Variants in MCTP1 observed in about 807,000 individuals in gnomAD.
The protein encoded by MCTP1 is multiple C2 and transmembrane domain-containing protein 1.
A neutral mutation model predicts 120.6 loss-of-function variants in MCTP1; 69 were observed. The ratio of observed to expected loss-of-function variants is 0.57; its 90% CI spans 0.47 to 0.70. The LOEUF (loss-of-function observed/expected upper bound fraction) is 0.70, where lower values mean the gene tolerates loss of function less well. Ranked by LOEUF, MCTP1 falls within the 30% of genes least tolerant of loss-of-function variation. MCTP1 has a pLI of 0.00. For missense variants in MCTP1, 1,203 were observed against 1,248.8 expected (o/e 0.96, Z 0.55); for synonymous variants, 529 against 493.1 (o/e 1.07, Z -0.96).
rs757186726 is a variant in MCTP1, at chr5:94,710,899, T to A, written c.2749A>T (p.Ser917Cys). 1 of 1,612,848 alleles carries A rather than the reference T, an allele frequency of 6.2e-7. No individual in the cohort carries two copies. Among genetic ancestry groups the A allele is most frequent in the South Asian group, 1.1e-5 (1 of 91,038 alleles). The stretch of plus-strand genomic sequence containing the variant: ...CAGAGGGCTACAATGGCCAGCCAGC[T>A]TAAGAATGGGACAGTCCAGTTGAAA... ...NTFNWTVPFL[S>C]WLAIVALCVF... Residue 917 changes from serine to cysteine, a missense_variant, in exon 21 of 23, where the codon AGC becomes TGC. Ser to Cys is a moderately radical substitution (Grantham distance 112, BLOSUM62 -1). Coordinates refer to ENST00000515393, the MANE Select transcript of MCTP1 (RefSeq NM_024717.7).
chr5:94,918,710 G>A (rs1810770308), intron 7 of MCTP1, among the ~76,000 whole-genome samples: 1 of 152,182 alleles, frequency 6.6e-6, no homozygotes, highest in African/African-American at 2.4e-5. Flanking sequence ...ATTAGAGTGA[G>A]TCATCAGCCT....
chr5:94,787,173 A>T (rs1777910983), intron 18 of MCTP1, among the ~76,000 whole-genome samples: 1 of 152,202 alleles, frequency 6.6e-6, no homozygotes, highest in African/African-American at 2.4e-5. Context: ...TGCACGGTGC[A>T]CAGTGGAGAT....
At chr5:94,721,730 G>A (rs1760932243) in intron 19 of MCTP1, among the ~76,000 whole-genome samples, 1 of 151,812 alleles carries the variant, frequency 6.6e-6, no homozygotes, top group South Asian at 2.1e-4. Context: ...TTATTGTAGA[G>A]AATAAATTGG....
chr5:95,020,290 A>C (rs1837953279), intron 1 of MCTP1, among the ~76,000 whole-genome samples: 1 of 152,034 alleles, frequency 6.6e-6, no homozygotes, highest in African/African-American at 2.4e-5. Flanking sequence ...ATTATACTTT[A>C]TGTGCAGGTT....
intron 17 of MCTP1, among the ~76,000 whole-genome samples, chr5:94,804,948 GA>G (rs1230439678): frequency 1.3e-5 from 2 of 151,406 alleles, no homozygotes; most frequent in Non-Finnish European, 2.9e-5. Flanking sequence ...ACTAATAATT[GA>G]AACAAAAAAA....
chr5:95,116,944 T>C (rs1305850484), intron 1 of MCTP1, among the ~76,000 whole-genome samples: 1 of 152,146 alleles, frequency 6.6e-6, no homozygotes, highest in Non-Finnish European at 1.5e-5. Context: ...GCTTAGACAA[T>C]GGAGTTTTCT....
chr5:94,907,406 T>G (rs990470923), intron 10 of MCTP1, among the ~76,000 whole-genome samples: 2 of 152,204 alleles, frequency 1.3e-5, no homozygotes, highest in African/African-American at 4.8e-5. Context: ...GTCTTGTCTA[T>G]ACCTGTGCTC....
intron 2 of MCTP1, among the ~76,000 whole-genome samples, chr5:94,971,738 A>G (rs1826935715): frequency 6.6e-6 from 1 of 152,166 alleles, no homozygotes; most frequent in African/African-American, 2.4e-5. Context: ...TTCCAAAATC[A>G]CCACACAGAG....
At chr5:95,230,811 C>T (rs2152647414) in intron 1 of MCTP1, among the ~76,000 whole-genome samples, 1 of 152,310 alleles carries the variant, frequency 6.6e-6, no homozygotes, top group East Asian at 1.9e-4. Flanking sequence ...TTGACACTGA[C>T]AGCTGTAAGA....
At chr5:95,175,139 C>G (rs1459440823) in intron 1 of MCTP1, among the ~76,000 whole-genome samples, 1 of 152,138 alleles carries the variant, frequency 6.6e-6, no homozygotes, top group Non-Finnish European at 1.5e-5. Flanking sequence ...ACTTTTAAAT[C>G]AATTTTTTGA....
At chr5:95,225,627 C>T (rs561660813) in intron 1 of MCTP1, among the ~76,000 whole-genome samples, 1 of 152,298 alleles carries the variant, frequency 6.6e-6, no homozygotes, top group Admixed American at 6.5e-5. Context: ...ACATTTTACT[C>T]TTCCCCTTCC....
chr5:95,040,241 G>A (rs1477141817), intron 1 of MCTP1, among the ~76,000 whole-genome samples: 1 of 152,038 alleles, frequency 6.6e-6, no homozygotes, highest in African/African-American at 2.4e-5. Context: ...TTTGAGACAA[G>A]CCTGGCCAAC....
intron 17 of MCTP1, among the ~76,000 whole-genome samples, chr5:94,843,878 A>G (rs1331179684): frequency 6.6e-6 from 1 of 152,164 alleles, no homozygotes; most frequent in Admixed American, 6.5e-5. Context: ...GTAGAGAGAA[A>G]GGTTGTGTTT....
In MCTP1 at chr5:94,815,567, T is replaced by G. The variant is rs868097101; in HGVS notation, c.2437-16435A>C. 3.9e-5 allele frequency among the ~76,000 whole-genome samples: 6 copies of G among 152,306 alleles called. 1 individual carries two copies. Among genetic ancestry groups the G allele is most frequent in the African/African-American group, 1.4e-4 (6 of 41,568 alleles). On this transcript the variant is annotated intron_variant, in intron 17 of 22. Coordinates refer to ENST00000515393, the MANE Select transcript of MCTP1 (RefSeq NM_024717.7). ...TATGGCAACATTGCACTTCTTTCAT[T>G]TATGTCTTTGCCTTTCAGATATGTT...
chr5:95,015,808 T>C (rs1836996788), intron 2 of MCTP1, among the ~76,000 whole-genome samples: 1 of 152,118 alleles, frequency 6.6e-6, no homozygotes, highest in African/African-American at 2.4e-5. Flanking sequence ...TTATTGCCTA[T>C]ATTTTATAAT....
intron 6 of MCTP1, among the ~76,000 whole-genome samples, chr5:94,926,131 AT>A (rs1398321270): frequency 6.6e-6 from 1 of 152,178 alleles, no homozygotes; most frequent in Non-Finnish European, 1.5e-5. Context: ...AGACTTTTTC[AT>A]CAGATGGAAT....
At chr5:94,851,095 C>A (rs1793596599) in intron 17 of MCTP1, among the ~76,000 whole-genome samples, 1 of 152,050 alleles carries the variant, frequency 6.6e-6, no homozygotes, top group Non-Finnish European at 1.5e-5. Flanking sequence ...TTTTCACTGG[C>A]AAAAATACAT....
At chr5:94,932,641 G>C (rs1815080559) in intron 5 of MCTP1, among the ~76,000 whole-genome samples, 1 of 151,934 alleles carries the variant, frequency 6.6e-6, no homozygotes. Context: ...CTAATCTCTT[G>C]AATAAACTAA....
chr5:95,102,913 T>C (rs1318036916), intron 1 of MCTP1, among the ~76,000 whole-genome samples: 1 of 152,196 alleles, frequency 6.6e-6, no homozygotes, highest in Non-Finnish European at 1.5e-5. Flanking sequence ...GATTAACTTT[T>C]AGTGGTTGCT....
Sources: allele counts gnomAD v4.1 joint callset (sites outside exome capture counted in the v4.1 genomes callset), GRCh38; gene constraint gnomAD v4.1.1; transcripts MANE v1.5; gene names NCBI Gene and HGNC (gene_info 2026-07-23, HGNC 2026-07-21).